ITPR2: variants seen among roughly 807,000 people sequenced by gnomAD.
ITPR2 encodes the protein inositol 1,4,5-trisphosphate-gated calcium channel ITPR2.
In ITPR2, 207 loss-of-function variants were observed where a neutral mutation model predicts 317.1. That is an observed-to-expected ratio of 0.65 (90% CI 0.58 to 0.73). The LOEUF (loss-of-function observed/expected upper bound fraction) is 0.73, where lower values mean the gene tolerates loss of function less well. Ranked by LOEUF, ITPR2 falls within the 30% of genes least tolerant of loss-of-function variation. ITPR2 has a pLI of 0.00. For synonymous variants in ITPR2, 1,156 were observed against 1,149.1 expected, an observed-to-expected ratio of 1.01 and a Z score of -0.12; for missense variants, 2,613 against 3,284.0, an observed-to-expected ratio of 0.80 and a Z score of 4.99.
At chr12:26,416,013 T>C (rs1346634044) in intron 50 of ITPR2, among the ~76,000 whole-genome samples, 6 of 152,216 alleles carry the variant, frequency 3.9e-5, no homozygotes, top group Admixed American at 3.9e-4. Context: ...AACAGTTTCA[T>C]GAGTCTGATG....
At position 26,778,609 on chromosome 12, in the gene ITPR2, A is replaced by C. The variant is rs117525072; in HGVS notation, c.163+11548T>G. ...CAATATACCTTCACTGTCCTACTAC[A>C]GGGGTATATCAACTCTCCACTTTGT... On this transcript the variant is annotated intron_variant, in intron 2 of 56. Transcript: ENST00000381340. 1.6e-4 allele frequency among the ~76,000 whole-genome samples: 25 copies of C among 152,306 alleles called. No homozygotes were observed. The East Asian group carries it at 3.5e-3, about 21-fold the overall frequency.
intron 43 of ITPR2, among the ~76,000 whole-genome samples, chr12:26,480,314 A>C (rs913331841): frequency 3.1e-4 from 47 of 152,196 alleles, no homozygotes; most frequent in African/African-American, 1.1e-3. Context: ...CACAAGGCTT[A>C]AACTAAAGAA....
At chr12:26,464,984 G>A (rs1434484618) in intron 45 of ITPR2, among the ~76,000 whole-genome samples, 1 of 152,224 alleles carries the variant, frequency 6.6e-6, no homozygotes, top group African/African-American at 2.4e-5. Context: ...TGAGCAAGCA[G>A]TTGGAGGAAC....
chr12:26,770,644 T>A (rs1265332971), intron 2 of ITPR2, among the ~76,000 whole-genome samples: 1 of 152,216 alleles, frequency 6.6e-6, no homozygotes, highest in African/African-American at 2.4e-5. Flanking sequence ...TGAGATATGA[T>A]AGAGAATGTT....
intron 2 of ITPR2, among the ~76,000 whole-genome samples, chr12:26,776,384 G>A (rs12303644): frequency 1.3e-4 from 20 of 151,912 alleles, no homozygotes; most frequent in African/African-American, 4.1e-4. Context: ...AAGCAGCTAC[G>A]GAGCCTCAAA....
At chr12:26,719,319 A>G (rs1254827868) in intron 5 of ITPR2, among the ~76,000 whole-genome samples, 4 of 152,224 alleles carry the variant, frequency 2.6e-5, no homozygotes, top group Admixed American at 2.6e-4. Flanking sequence ...TGTATTTAAT[A>G]TAGAACTTGA....
intron 39 of ITPR2, among the ~76,000 whole-genome samples, chr12:26,491,899 A>C (rs1942816329): frequency 6.6e-6 from 1 of 152,240 alleles, no homozygotes. Flanking sequence ...GCATTTGTGC[A>C]CATCCCACTA....
intron 13 of ITPR2, among the ~76,000 whole-genome samples, chr12:26,667,517 C>T (rs1947656718): frequency 6.6e-6 from 1 of 152,196 alleles, no homozygotes; most frequent in Non-Finnish European, 1.5e-5. Flanking sequence ...AAGGCAGCCA[C>T]AGAAACGTAA....
At chr12:26,383,368 A>G (rs551723897) in intron 55 of ITPR2, among the ~76,000 whole-genome samples, 3 of 152,362 alleles carry the variant, frequency 2.0e-5, no homozygotes, top group South Asian at 4.1e-4. Flanking sequence ...AATGGATATT[A>G]GTATAAATAT....
At chr12:26,826,005 A>T (rs944125176) in intron 1 of ITPR2, among the ~76,000 whole-genome samples, 1 of 152,244 alleles carries the variant, frequency 6.6e-6, no homozygotes, top group Non-Finnish European at 1.5e-5. Flanking sequence ...AACAGCCATC[A>T]TTTGGAAGAG....
intron 55 of ITPR2, among the ~76,000 whole-genome samples, chr12:26,378,643 T>A (rs976946439): frequency 1.3e-5 from 2 of 152,184 alleles, no homozygotes; most frequent in African/African-American, 4.8e-5. Flanking sequence ...GTCCTTCTAG[T>A]TATAGTGTGG....
At chr12:26,550,009 T>A (rs1289684079) in intron 37 of ITPR2, among the ~76,000 whole-genome samples, 1 of 151,904 alleles carries the variant, frequency 6.6e-6, no homozygotes, top group Non-Finnish European at 1.5e-5. Context: ...TCCAAGAATA[T>A]AATATAAGAA....
At chr12:26,568,299 T>G (rs912134892) in intron 34 of ITPR2, among the ~76,000 whole-genome samples, 18 of 151,546 alleles carry the variant, frequency 1.2e-4, no homozygotes, top group Admixed American at 1.1e-3. Flanking sequence ...AGTAAGTACA[T>G]GGATCCCTTA....
At chr12:26,552,603 C>G (rs890952425) in intron 36 of ITPR2, among the ~76,000 whole-genome samples, 1 of 152,164 alleles carries the variant, frequency 6.6e-6, no homozygotes, top group African/African-American at 2.4e-5. Context: ...TCCATGCGGT[C>G]AGGCCTAGCA....
intron 52 of ITPR2, among the ~76,000 whole-genome samples, chr12:26,409,662 AT>A (rs1159658352): frequency 6.6e-6 from 1 of 152,186 alleles, no homozygotes; most frequent in Non-Finnish European, 1.5e-5. Context: ...AGCAAGTCAT[AT>A]TTTCCCATGG....
At chr12:26,587,935 T>G (rs1478985621) in intron 32 of ITPR2, among the ~76,000 whole-genome samples, 1 of 152,206 alleles carries the variant, frequency 6.6e-6, no homozygotes, top group East Asian at 1.9e-4. Context: ...ATTTGGAATA[T>G]TTTATGGTTA....
At chr12:26,436,933 G>C (rs1397621738) in intron 47 of ITPR2, among the ~76,000 whole-genome samples, 2 of 152,176 alleles carry the variant, frequency 1.3e-5, no homozygotes, top group African/African-American at 4.8e-5. Context: ...CTAAGAACTT[G>C]TTGGGTTTGA....
intron 2 of ITPR2, among the ~76,000 whole-genome samples, chr12:26,776,328 G>C (rs996625183): frequency 6.6e-6 from 1 of 152,148 alleles, no homozygotes; most frequent in Admixed American, 6.5e-5. Context: ...TGGACAAAGT[G>C]ATGAAAGAAA....
chr12:26,425,564 A>T (rs1224654479), intron 49 of ITPR2, among the ~76,000 whole-genome samples: 1 of 151,722 alleles, frequency 6.6e-6, no homozygotes, highest in African/African-American at 2.4e-5. Flanking sequence ...GCTACTCAGG[A>T]GCCTGAGGCA....
Sources: gnomAD v4.1 joint callset for allele counts (sites outside exome capture counted in the v4.1 genomes callset) on GRCh38, gnomAD v4.1.1 for gene constraint, MANE v1.5 for transcripts, NCBI Gene and HGNC (gene_info 2026-07-23, HGNC 2026-07-21) for gene names.